Variants in PTPRA observed in about 807,000 individuals in gnomAD.
The protein encoded by PTPRA is protein tyrosine phosphatase receptor type A.
PTPRA carries 25 observed loss-of-function variants against 104.8 expected under a neutral mutation model. The ratio of observed to expected loss-of-function variants is 0.24; its 90% CI spans 0.17 to 0.33. The LOEUF (loss-of-function observed/expected upper bound fraction) is 0.33. Ranked by LOEUF, PTPRA falls within the 10% of genes least tolerant of loss-of-function variation. The pLI is 1.00. For missense variants in PTPRA, 765 were observed against 1,015.3 expected (o/e 0.75, Z 3.35); for synonymous variants, 323 against 368.9 (o/e 0.88, Z 1.43).
intron 9 of PTPRA, among the ~76,000 whole-genome samples, chr20:2,989,441 A>ATTC (rs2063055964): frequency 2.0e-5 from 3 of 152,144 alleles, no homozygotes; most frequent in Admixed American, 1.3e-4. Context: ...CAAAAAAACA[A>ATTC]GAGCTTCCTC....
chr20:2,875,839 C>T (rs1008955678), intron 1 of PTPRA, among the ~76,000 whole-genome samples: 1 of 152,040 alleles, frequency 6.6e-6, no homozygotes, highest in Non-Finnish European at 1.5e-5. Flanking sequence ...GGGAGCATCC[C>T]CTGCCTGGGT....
chr20:2,969,084 T>C (rs2062053484), intron 5 of PTPRA, among the ~76,000 whole-genome samples: 2 of 152,076 alleles, frequency 1.3e-5, no homozygotes, highest in East Asian at 3.9e-4. Context: ...TGTTGGCATA[T>C]ACTTGTAATC....
chr20:2,878,360 C>T (rs1459481960), intron 1 of PTPRA, among the ~76,000 whole-genome samples: 2 of 152,072 alleles, frequency 1.3e-5, no homozygotes, highest in Non-Finnish European at 2.9e-5. Flanking sequence ...CTGCACAGGT[C>T]TGTGCCACCA....
intron 20 of PTPRA, among the ~76,000 whole-genome samples, chr20:3,034,249 C>T (rs962416397): frequency 2.0e-5 from 3 of 151,778 alleles, no homozygotes; most frequent in African/African-American, 2.4e-5. Flanking sequence ...CCAGCCTGGG[C>T]GACAGAGCAA....
intron 3 of PTPRA, among the ~76,000 whole-genome samples, chr20:2,951,244 C>T (rs1028633898): frequency 6.6e-6 from 1 of 152,024 alleles, no homozygotes; most frequent in African/African-American, 2.4e-5. Flanking sequence ...GGACTCCAGG[C>T]GTGCCCGCCA....
chr20:2,936,976 A>T (rs1260195178), intron 2 of PTPRA, among the ~76,000 whole-genome samples: 1 of 151,908 alleles, frequency 6.6e-6, no homozygotes, highest in Non-Finnish European at 1.5e-5. Flanking sequence ...TTTTGAGTGT[A>T]TCTCTTTATA....
Position 2,923,220 on chromosome 20 carries a change from A to G in PTPRA, c.-115A>G. 8.0e-7 allele frequency: 1 copy of G among 1,254,916 alleles called. No homozygotes were observed. The highest frequency in any genetic ancestry group is 1.0e-6 in the Non-Finnish European group (1 of 966,828). The allele number at this position is 1,254,916 out of a possible 1,614,324, so 77.7% of individuals were successfully genotyped here. On this transcript the variant is annotated 5_prime_UTR_variant, in exon 2 of 24. Transcript: ENST00000399903. ...CTTTTGTTGCAGGTGACACAACTAA[A>G]AAAAAACAAAGGTATTTATGGAATT...
upstream of PTPRA, among the ~76,000 whole-genome samples, chr20:2,868,655 A>G (rs1331525028): frequency 2.5e-5 from 2 of 80,970 alleles, no homozygotes; most frequent in Non-Finnish European, 4.4e-5. Context: ...TTTTGTCCCC[A>G]GTCTTGGCCC....
chr20:2,949,045 C>CT (rs1386007625), intron 3 of PTPRA, among the ~76,000 whole-genome samples: 6 of 152,080 alleles, frequency 3.9e-5, no homozygotes, highest in African/African-American at 1.4e-4. Flanking sequence ...ATGGGGAAAT[C>CT]TTTAAGATGT....
chr20:3,032,147 C>T (rs2065488577), intron 20 of PTPRA, among the ~76,000 whole-genome samples: 1 of 152,220 alleles, frequency 6.6e-6, no homozygotes, highest in Non-Finnish European at 1.5e-5. Flanking sequence ...AGAACACTGT[C>T]ATCCTCCCAC....
chr20:2,869,664 G>T (rs1188217769), upstream of PTPRA, among the ~76,000 whole-genome samples: 1 of 152,202 alleles, frequency 6.6e-6, no homozygotes, highest in Non-Finnish European at 1.5e-5. Context: ...GGTAGCCAGT[G>T]CAGGGAGAAT....
intron 6 of PTPRA, among the ~76,000 whole-genome samples, chr20:2,980,933 G>A (rs1376917108): frequency 1.3e-5 from 2 of 152,144 alleles, no homozygotes; most frequent in African/African-American, 4.8e-5. Flanking sequence ...GGGGTTCAGT[G>A]ATGGCTCAGG....
At chr20:2,881,963 G>C (rs1317119052) in intron 1 of PTPRA, among the ~76,000 whole-genome samples, 6 of 152,232 alleles carry the variant, frequency 3.9e-5, no homozygotes, top group African/African-American at 1.4e-4. Context: ...TTGCGCCGCT[G>C]TACTCCAGCC....
rs2064554370 is a variant in PTPRA, at chr20:3,018,026, A to G, written c.1041+113A>G. 1.6e-5 allele frequency: 14 copies of G among 878,392 alleles called. No homozygotes were observed. The South Asian group carries it at 1.9e-4, about 12-fold the overall frequency. 54.4% of individuals were successfully genotyped at this position (878,392 alleles called of 1,614,324 possible). ...TGCTGTACCAGTAGTTCATCCAGAA[A>G]GACACAGGCTGAAGTCTATCAGACT... On this transcript the variant is annotated intron_variant, in intron 13 of 23. Transcript: ENST00000399903.
At chr20:3,019,513 A>G (rs2064726747) in intron 13 of PTPRA, among the ~76,000 whole-genome samples, 4 of 142,078 alleles carry the variant, frequency 2.8e-5, no homozygotes, top group Admixed American at 2.8e-4. Flanking sequence ...ATCTCAGACG[A>G]TGGGCGGCCG....
chr20:2,922,880 C>T (rs564641558), intron 1 of PTPRA, among the ~76,000 whole-genome samples: 1 of 151,910 alleles, frequency 6.6e-6, no homozygotes, highest in African/African-American at 2.4e-5. Flanking sequence ...AGTGATCCAC[C>T]CACCTCGGCC....
chr20:2,907,161 TAA>T (rs913864430), intron 1 of PTPRA, among the ~76,000 whole-genome samples: 12 of 152,256 alleles, frequency 7.9e-5, no homozygotes, highest in South Asian at 4.1e-4. Flanking sequence ...GTTTCATATA[TAA>T]GTGTTGTTCT....
At chr20:2,901,163 G>T (rs945103004) in intron 1 of PTPRA, among the ~76,000 whole-genome samples, 1 of 152,020 alleles carries the variant, frequency 6.6e-6, no homozygotes, top group Admixed American at 6.6e-5. Flanking sequence ...TAGAGACAGG[G>T]TTTCACCATC....
In PTPRA at chr20:3,035,800, G is replaced by GCCGGCAGAT; in HGVS notation, c.2065_2073dup (p.Ile689_Gln691dup). The GCCGGCAGAT allele has an allele frequency of 6.2e-7, 1 of 1,614,204 alleles. No individual in the cohort carries two copies. Among genetic ancestry groups the GCCGGCAGAT allele is most frequent in the Non-Finnish European group, 8.5e-7 (1 of 1,180,028 alleles). On this transcript the variant is annotated inframe_insertion, in exon 22 of 24. Transcript: ENST00000399903. This position sits in a 1 kb window ranked among gnomAD's most constrained non-coding sequence, Gnocchi z 5.8. ...CCCTTTTTTCCAAAGGAGAATAAGA[G>GCCGGCAGAT]CCGGCAGATCCGGCAGTTCCACTTC...
Sources: allele counts gnomAD v4.1 joint callset (sites outside exome capture counted in the v4.1 genomes callset), GRCh38; gene constraint gnomAD v4.1.1; non-coding constraint Gnocchi (gnomAD v3.1); transcripts MANE v1.5; gene names NCBI Gene and HGNC (gene_info 2026-07-23, HGNC 2026-07-21).